Variants in FAM210A observed in about 807,000 individuals in gnomAD.
The protein encoded by FAM210A is family with sequence similarity 210 member A.
Under a neutral mutation model 25.3 loss-of-function variants are expected in FAM210A, and 13 were observed. The observed-to-expected ratio is 0.51, with a 90% CI of 0.33 to 0.82. The LOEUF is 0.82. FAM210A is among the 40% of genes least tolerant of loss of function. The probability of loss-of-function intolerance (pLI) is 0.02; values close to 1 mark genes in which losing one functional copy is unlikely to be tolerated. For missense variants in FAM210A, 319 were observed against 323.2 expected (o/e 0.99, Z 0.10); for synonymous variants, 125 against 118.7 (o/e 1.05, Z -0.35).
chr18:13,687,334 C>T (rs531966747), intron 1 of FAM210A, among the ~76,000 whole-genome samples: 14 of 152,260 alleles, frequency 9.2e-5, no homozygotes, highest in African/African-American at 3.4e-4. Flanking sequence ...AATTATCACA[C>T]TACCTTTCTA....
Position 13,710,922 on chromosome 18 carries a change from A to G in FAM210A, c.-29+15407T>C, listed in dbSNP as rs1286355219. 2.6e-5 allele frequency among the ~76,000 whole-genome samples: 4 copies of G among 152,226 alleles called. No individual in the cohort carries two copies. The South Asian group carries it at 6.2e-4, about 24-fold the overall frequency. On this transcript the variant is annotated intron_variant, in intron 1 of 3. Coordinates refer to ENST00000651643, the MANE Select transcript of FAM210A (RefSeq NM_152352.4). ...GTACTCAAATAGCACAGTCTCAGGAAACTGTTTTCCATGCAGTGGGCAGGA... is the reference window on the plus strand; with the variant it reads ...GTACTCAAATAGCACAGTCTCAGGAGACTGTTTTCCATGCAGTGGGCAGGA...
chr18:13,667,935 T>C (rs1294516672), intron 3 of FAM210A, among the ~76,000 whole-genome samples: 2 of 152,166 alleles, frequency 1.3e-5, no homozygotes. Flanking sequence ...AAGTGGCATG[T>C]GCCTGTAGTC....
rs35591829 is a variant in FAM210A at position 13,671,958 on chromosome 18, A to G, written c.489T>C (p.Val163=). ...GTAACCCAATGAGTTCTAGAAAAGG[A>G]ACGACATTCACTCCTCTACAAAAAA... ...YYAALKGVNV[V]PFLELIGLPD... is the part of the protein sequence containing the mutation. The change falls in exon 3 of 4, where the codon GTT becomes GTC. Residue 163 remains valine (V), a synonymous_variant. Coordinates refer to ENST00000651643, the MANE Select transcript of FAM210A (RefSeq NM_152352.4). 1.2e-6 allele frequency: 2 copies of G among 1,611,570 alleles called. No homozygotes were observed. Among genetic ancestry groups the G allele is most frequent in the Non-Finnish European group, 1.7e-6 (2 of 1,178,404 alleles).
At chr18:13,720,138 G>A (rs559234048) in intron 1 of FAM210A, among the ~76,000 whole-genome samples, 54 of 152,292 alleles carry the variant, frequency 3.5e-4, no homozygotes, top group Non-Finnish European at 5.0e-4. Flanking sequence ...TTTCTTAAAA[G>A]AGCAGTTACC....
intron 1 of FAM210A, among the ~76,000 whole-genome samples, chr18:13,707,397 C>T (rs2043787066): frequency 6.6e-6 from 1 of 152,212 alleles, no homozygotes; most frequent in South Asian, 2.1e-4. Context: ...AGATCCTAGA[C>T]CAGAACAGAC....
At chr18:13,682,921 T>C (rs1468811230) in intron 1 of FAM210A, among the ~76,000 whole-genome samples, 1 of 152,182 alleles carries the variant, frequency 6.6e-6, no homozygotes, top group Non-Finnish European at 1.5e-5. Flanking sequence ...TTAAATATGA[T>C]ATGGTAAACT....
intron 1 of FAM210A, among the ~76,000 whole-genome samples, chr18:13,717,431 C>T (rs2043869637): frequency 1.3e-5 from 2 of 150,822 alleles, no homozygotes; most frequent in Admixed American, 1.3e-4. Context: ...GTGTGACCCA[C>T]TGTGCCCAGC....
At chr18:13,708,592 T>C (rs1320987933) in intron 1 of FAM210A, among the ~76,000 whole-genome samples, 1 of 152,206 alleles carries the variant, frequency 6.6e-6, no homozygotes, top group East Asian at 1.9e-4. Flanking sequence ...AAATTCCCAA[T>C]GGTTTTAGCA....
chr18:13,694,851 G>A (rs891559492), intron 1 of FAM210A, among the ~76,000 whole-genome samples: 1 of 152,192 alleles, frequency 6.6e-6, no homozygotes, highest in African/African-American at 2.4e-5. Flanking sequence ...GGCAACAAAA[G>A]CCAAAATTGA....
rs1332943459 is a variant in FAM210A at position 13,664,133 on chromosome 18, T to G, written c.*2347A>C. 1.3e-5 allele frequency: 2 copies of G among 152,220 alleles called. No homozygotes were observed. Among genetic ancestry groups the G allele is most frequent in the African/African-American group, 4.8e-5 (2 of 41,466 alleles). The allele number at this position is 152,220 out of a possible 1,614,324, so 9.4% of individuals were successfully genotyped here. A position where few individuals can be genotyped will look rare whatever the true frequency, so the allele number is the denominator to read the frequency against. On this transcript the variant is annotated 3_prime_UTR_variant, in exon 4 of 4. Coordinates refer to ENST00000651643, the MANE Select transcript of FAM210A (RefSeq NM_152352.4). The stretch of plus-strand genomic sequence containing the variant: ...TTTTTGTAACATTCCTGGTGCCAAG[T>G]AATACAACAGAGCTTCTCACATCTT...
intron 1 of FAM210A, among the ~76,000 whole-genome samples, chr18:13,721,457 G>C (rs990590839): frequency 7.2e-5 from 11 of 152,112 alleles, no homozygotes; most frequent in African/African-American, 2.7e-4. Flanking sequence ...GGTTGAATGC[G>C]AATATGTCAG....
chr18:13,721,597 C>T (rs1331491244), intron 1 of FAM210A, among the ~76,000 whole-genome samples: 2 of 152,116 alleles, frequency 1.3e-5, no homozygotes, highest in African/African-American at 2.4e-5. Flanking sequence ...TTTCCTACCA[C>T]GATCGCCCTC....
chr18:13,714,872 A>G (rs961259331), intron 1 of FAM210A, among the ~76,000 whole-genome samples: 1 of 152,080 alleles, frequency 6.6e-6, no homozygotes, highest in Admixed American at 6.5e-5. Context: ...TTACTCTTAG[A>G]AGCTTAGATT....
At chr18:13,668,064 C>A (rs574263533) in intron 3 of FAM210A, among the ~76,000 whole-genome samples, 4 of 152,078 alleles carry the variant, frequency 2.6e-5, no homozygotes, top group African/African-American at 9.7e-5. Context: ...CTGTCTCAAA[C>A]GAAACAAAAC....
At chr18:13,671,368 AAAC>A (rs1307345982) in intron 3 of FAM210A, among the ~76,000 whole-genome samples, 1 of 152,208 alleles carries the variant, frequency 6.6e-6, no homozygotes. Context: ...GAATAAGAAA[AAAC>A]AAATATAATT....
intron 3 of FAM210A, among the ~76,000 whole-genome samples, chr18:13,670,700 A>G (rs1415076843): frequency 3.3e-5 from 5 of 152,162 alleles, no homozygotes; most frequent in Admixed American, 3.3e-4. Flanking sequence ...AGCTATCAAG[A>G]TGATGCTGTC....
At chr18:13,689,972 G>A (rs967449665) in intron 1 of FAM210A, among the ~76,000 whole-genome samples, 2 of 152,226 alleles carry the variant, frequency 1.3e-5, no homozygotes, top group Non-Finnish European at 2.9e-5. Context: ...ACCTCACCTG[G>A]GAAGTGCAAT....
At chr18:13,717,912 C>T (rs910574225) in intron 1 of FAM210A, among the ~76,000 whole-genome samples, 4 of 152,168 alleles carry the variant, frequency 2.6e-5, no homozygotes, top group Non-Finnish European at 5.9e-5. Flanking sequence ...GATGAACTGC[C>T]TACGGACAGG....
chr18:13,697,090 T>C (rs1228005082), intron 1 of FAM210A, among the ~76,000 whole-genome samples: 1 of 152,230 alleles, frequency 6.6e-6, no homozygotes, highest in Non-Finnish European at 1.5e-5. Context: ...GTTTGTGGCC[T>C]AGGAACAATA....
Sources: allele counts gnomAD v4.1 joint callset (sites outside exome capture counted in the v4.1 genomes callset), GRCh38; gene constraint gnomAD v4.1.1; transcripts MANE v1.5; gene names NCBI Gene and HGNC (gene_info 2026-07-23, HGNC 2026-07-21).